Variants in PALB2 observed in about 807,000 individuals in gnomAD.
PALB2 encodes the protein mutant partner and localizer of BRCA2.
A neutral mutation model predicts 107.4 loss-of-function variants in PALB2; 82 were observed. The ratio of observed to expected loss-of-function variants is 0.76; its 90% CI spans 0.64 to 0.92. The LOEUF is 0.92. Ranked by LOEUF, PALB2 falls within the 40% of genes least tolerant of loss-of-function variation. PALB2 has a pLI of 0.00. For synonymous variants in PALB2, 489 were observed against 496.8 expected, an observed-to-expected ratio of 0.98 and a Z score of 0.21; for missense variants, 1,374 against 1,379.9, an observed-to-expected ratio of 1.00 and a Z score of 0.07.
chr16:23,603,624 CAAGATTGCTGCTGCACAGTGAT>C lies in PALB2; in HGVS notation c.3374_3395del (p.Asp1125GlyfsTer31), dbSNP rs876660574. On this transcript the variant is annotated frameshift_variant, in exon 13 of 13. Coordinates refer to ENST00000261584, the MANE Select transcript of PALB2 (RefSeq NM_024675.4). LOFTEE classifies it high-confidence loss of function. ...CCCAAATGGCAATTGTTCCAGAAGT[CAAGATTGCTGCTGCACAGTGAT>C]CTTTCACGTCACCTTCCAGGAACCT... 1 of 1,613,772 alleles carries C rather than the reference CAAGATTGCTGCTGCACAGTGAT, an allele frequency of 6.2e-7. No homozygotes were observed. Among genetic ancestry groups the C allele is most frequent in the Non-Finnish European group, 8.5e-7 (1 of 1,180,000 alleles).
In PALB2 at chr16:23,641,119, C is replaced by T. The variant is rs876660538; in HGVS notation, c.39G>A (p.Glu13=). 6.2e-7 allele frequency: 1 copy of T among 1,613,604 alleles called. No homozygotes were observed. Among genetic ancestry groups the T allele is most frequent in the Non-Finnish European group, 8.5e-7 (1 of 1,179,868 alleles). ...CCCGCACCCCCGGCACCTTTTCCTT[C>T]TCCTCACAGCTGAGGGGCTTCCCGG... is the stretch of plus-strand genomic sequence containing the variant. ...EPPGKPLSCE[E]KEKLKEKLAF... The change falls in exon 1 of 13, where the codon GAG becomes GAA. Residue 13 remains glutamate, a synonymous_variant. Transcript: ENST00000261584.
intron 10 of PALB2, among the ~76,000 whole-genome samples, chr16:23,615,924 A>G (rs1407901213): frequency 2.0e-5 from 3 of 152,178 alleles, no homozygotes; most frequent in South Asian, 2.1e-4. Flanking sequence ...TTGGCCTCCC[A>G]AAGTGCTGGA....
chr16:23,616,851 C>G (rs557950052), intron 10 of PALB2, among the ~76,000 whole-genome samples: 1 of 150,416 alleles, frequency 6.6e-6, no homozygotes, highest in Non-Finnish European at 1.5e-5. Flanking sequence ...GTCTCATTGT[C>G]GCCCAGGCTG....
chr16:23,603,545 A>C lies in PALB2; in HGVS notation c.3475T>G (p.Trp1159Gly), dbSNP rs876660792. The change falls in exon 13 of 13, where the codon TGG (tryptophan) becomes GGG (glycine). Residue 1159 changes from tryptophan (W) to glycine (G), a missense_variant. Coordinates refer to ENST00000261584, the MANE Select transcript of PALB2 (RefSeq NM_024675.4). ...ALLPPVSDQH[W>G]SFVKWSGTDS... ...GTACCCGACCATTTCACAAAAGACC[A>C]ATGTTGGTCAGAGACAGGTGGGAGG... The C allele has an allele frequency of 6.2e-7, 1 of 1,614,066 alleles. No individual in the cohort carries two copies. The highest frequency in any genetic ancestry group is 8.5e-7 in the Non-Finnish European group (1 of 1,180,034).
intron 10 of PALB2, among the ~76,000 whole-genome samples, chr16:23,619,967 C>G (rs555812483): frequency 7.6e-4 from 116 of 152,154 alleles, no homozygotes; most frequent in Non-Finnish European, 1.3e-3. Context: ...TTTAGTAGAG[C>G]TGGGGTTTTG....
In PALB2 at chr16:23,635,407, C is replaced by G. The variant is rs876659887; in HGVS notation, c.1139G>C (p.Ser380Thr). The stretch of plus-strand genomic sequence containing the variant: ...AGGAGAGGTTGCTTCCAGGCTAAGA[C>G]TCTTAGGTTGACTTAGAATCTCACT... ...QESEILSQPK[S>T]LSLEATSPLS... Residue 380 changes from serine to threonine, a missense_variant, in exon 4 of 13, where the codon AGT becomes ACT. Coordinates refer to ENST00000261584, the MANE Select transcript of PALB2 (RefSeq NM_024675.4). The G allele has an allele frequency of 6.2e-7, 1 of 1,614,054 alleles. No homozygotes were observed. The highest frequency in any genetic ancestry group is 2.2e-5 in the East Asian group (1 of 44,884).
At chr16:23,627,493 CAAA>C (rs749429582) in intron 6 of PALB2, among the ~76,000 whole-genome samples, 1 of 54,714 alleles carries the variant, frequency 1.8e-5, no homozygotes. Context: ...GACTCCGTCT[CAAA>C]AAAAAAAAAA....
intron 9 of PALB2, among the ~76,000 whole-genome samples, chr16:23,622,323 C>T (rs1966787147): frequency 6.6e-6 from 1 of 152,058 alleles, no homozygotes; most frequent in Non-Finnish European, 1.5e-5. Context: ...AAGCAATGGA[C>T]ACAAGTGTGT....
At chr16:23,641,059 T>C in intron 1 of PALB2, 51 bp downstream of exon 1, 1 of 1,602,656 alleles carries the variant, frequency 6.2e-7, no homozygotes, top group Non-Finnish European at 8.5e-7. Flanking sequence ...CCTAAAACCC[T>C]GGGAAAGCGG....
At chr16:23,611,078 G>GTCTGTCTATCTA (rs374181299) in intron 11 of PALB2, among the ~76,000 whole-genome samples, 2,293 of 148,174 alleles carry the variant, frequency 0.015, 21 homozygotes, top group Non-Finnish European at 0.025. Flanking sequence ...TCAACTGTCA[G>GTCTGTCTATCTA]TCTATCTATC....
At chr16:23,629,596 T>C in intron 5 of PALB2, 44 bp downstream of exon 5, 1 of 1,579,950 alleles carries the variant, frequency 6.3e-7, no homozygotes, top group Non-Finnish European at 8.7e-7. Flanking sequence ...CACTAAGGCA[T>C]TTCATTCCTT....
chr16:23,607,716 C>T, intron 12 of PALB2, 148 bp downstream of exon 12: 3 of 997,806 alleles, frequency 3.0e-6, no homozygotes, highest in Non-Finnish European at 3.1e-6. Context: ...GTCCACTAAT[C>T]TTCATCCTAC....
At chr16:23,616,982 T>C (rs1406308520) in intron 10 of PALB2, among the ~76,000 whole-genome samples, 1 of 152,016 alleles carries the variant, frequency 6.6e-6, no homozygotes, top group Admixed American at 6.6e-5. Context: ...CTGGCGAATT[T>C]TTTGTATTTT....
intron 9 of PALB2, among the ~76,000 whole-genome samples, chr16:23,622,238 C>A (rs1966785358): frequency 6.6e-6 from 1 of 152,100 alleles, no homozygotes; most frequent in Non-Finnish European, 1.5e-5. Flanking sequence ...AATAGGCCTG[C>A]AGGTCTAGAG....
intron 3 of PALB2, 126 bp from the exon 4 acceptor site, chr16:23,636,460 C>T (rs1274282685): frequency 4.2e-6 from 3 of 712,422 alleles, no homozygotes; most frequent in Non-Finnish European, 6.6e-6. Context: ...AGTGACATTT[C>T]ATTCAGGCAG....
chr16:23,638,512 AG>A (rs1967122412), intron 1 of PALB2: 1 of 462,930 alleles, frequency 2.2e-6, no homozygotes, highest in South Asian at 1.6e-5. Context: ...AGATCCTTGA[AG>A]GTAGCAGGAA....
chr16:23,609,283 G>C (rs1347494633), intron 11 of PALB2, among the ~76,000 whole-genome samples: 1 of 152,108 alleles, frequency 6.6e-6, no homozygotes, highest in Non-Finnish European at 1.5e-5. Context: ...ATTTAGCTGG[G>C]TGCTGTGGCT....
rs45439097 is a variant in PALB2, at chr16:23,603,525, C to T, written c.3495G>A (p.Ser1165=). 1.4e-3 allele frequency: 2,243 copies of T among 1,613,960 alleles called. No individual in the cohort carries two copies. The highest frequency in any genetic ancestry group is 1.7e-3 in the Non-Finnish European group (2,051 of 1,179,984). Reference sequence around the variant, plus strand: ...CAGCCAGCAAATGAGAGTCTGTACCCGACCATTTCACAAAAGACCAATGTT... The same window carrying T: ...CAGCCAGCAAATGAGAGTCTGTACCTGACCATTTCACAAAAGACCAATGTT... ...SDQHWSFVKW[S]GTDSHLLAGQ... Residue 1165 remains serine, a synonymous_variant, in exon 13 of 13, where the codon TCG becomes TCA. Coordinates refer to ENST00000261584, the MANE Select transcript of PALB2 (RefSeq NM_024675.4).
chr16:23,627,302 A>G (rs1966845615), intron 6 of PALB2, among the ~76,000 whole-genome samples: 1 of 151,742 alleles, frequency 6.6e-6, no homozygotes, highest in African/African-American at 2.4e-5. Context: ...CCTGGCTAAC[A>G]AGGTGAAACC....
Sources: gnomAD v4.1 joint callset for allele counts (sites outside exome capture counted in the v4.1 genomes callset) on GRCh38, gnomAD v4.1.1 for gene constraint, MANE v1.5 for transcripts, NCBI Gene and HGNC (gene_info 2026-07-23, HGNC 2026-07-21) for gene names.